LRFN2: variants seen among roughly 807,000 people sequenced by gnomAD.
LRFN2 encodes leucine rich repeat and fibronectin type III domain containing 2, also known as leucine-rich repeat and fibronectin type-III domain-containing protein 2.
In LRFN2, 18 loss-of-function variants were observed where a neutral mutation model predicts 37.3. The ratio of observed to expected loss-of-function variants is 0.48; its 90% CI spans 0.33 to 0.72. The LOEUF is 0.72. Ranked by LOEUF, LRFN2 falls within the 30% of genes least tolerant of loss-of-function variation. The pLI, the probability that LRFN2 is intolerant of heterozygous loss-of-function variation, is 0.02. For synonymous variants in LRFN2, 556 were observed against 466.6 expected (o/e 1.19, Z -2.47); for missense variants, 1,006 against 1,060.7 (o/e 0.95, Z 0.72).
intron 1 of LRFN2, among the ~76,000 whole-genome samples, chr6:40,437,918 G>A (rs1763729559): frequency 6.6e-6 from 1 of 152,186 alleles, no homozygotes; most frequent in Admixed American, 6.5e-5. Flanking sequence ...ATAGCCACAT[G>A]GCAATTAGGG....
At chr6:40,493,559 G>A (rs1338389411) in intron 1 of LRFN2, among the ~76,000 whole-genome samples, 1 of 152,118 alleles carries the variant, frequency 6.6e-6, no homozygotes, top group African/African-American at 2.4e-5. Context: ...ACACTACAAT[G>A]GATGAGGCCA....
chr6:40,508,588 C>T (rs1765607029), intron 1 of LRFN2, among the ~76,000 whole-genome samples: 1 of 152,206 alleles, frequency 6.6e-6, no homozygotes, highest in African/African-American at 2.4e-5. Context: ...TAGTGGGTCA[C>T]CTCGAGCAAG....
At chr6:40,499,489 A>G (rs1765320247) in intron 1 of LRFN2, among the ~76,000 whole-genome samples, 1 of 152,202 alleles carries the variant, frequency 6.6e-6, no homozygotes, top group South Asian at 2.1e-4. Flanking sequence ...TTTCTGCAAC[A>G]CAGTTTCAGG....
At chr6:40,565,026 G>A (rs1456437543) in intron 1 of LRFN2, among the ~76,000 whole-genome samples, 1 of 152,180 alleles carries the variant, frequency 6.6e-6, no homozygotes, top group African/African-American at 2.4e-5. Context: ...CAGTTCAACT[G>A]AAAGCCTCAA....
intron 1 of LRFN2, among the ~76,000 whole-genome samples, chr6:40,523,340 G>A (rs1323290211): frequency 6.6e-6 from 1 of 152,008 alleles, no homozygotes; most frequent in Non-Finnish European, 1.5e-5. Context: ...CAGCAAGAGT[G>A]GGTTTCACGC....
At chr6:40,517,706 G>T (rs185476508) in intron 1 of LRFN2, among the ~76,000 whole-genome samples, 1 of 152,292 alleles carries the variant, frequency 6.6e-6, no homozygotes, top group East Asian at 1.9e-4. Context: ...TCTGTGCAAA[G>T]CCTAATTAGG....
chr6:40,405,692 G>T (rs886334870), intron 2 of LRFN2, among the ~76,000 whole-genome samples: 2 of 152,164 alleles, frequency 1.3e-5, no homozygotes, highest in Non-Finnish European at 2.9e-5. Flanking sequence ...AGGCATCTTG[G>T]CTTCAATACT....
At chr6:40,468,583 G>A (rs113343236) in intron 1 of LRFN2, among the ~76,000 whole-genome samples, 2,363 of 152,006 alleles carry the variant, frequency 0.016, 77 homozygotes, top group African/African-American at 0.053. Context: ...TATGTGAAGC[G>A]CAAAGAGTAG....
intron 1 of LRFN2, among the ~76,000 whole-genome samples, chr6:40,553,431 G>T (rs1356708603): frequency 1.3e-5 from 2 of 152,210 alleles, no homozygotes; most frequent in African/African-American, 4.8e-5. Flanking sequence ...CTCTCTAAGT[G>T]AAGGAAGCAT....
chr6:40,539,669 T>C (rs1308429205), intron 1 of LRFN2, among the ~76,000 whole-genome samples: 3 of 152,184 alleles, frequency 2.0e-5, no homozygotes, highest in African/African-American at 7.2e-5. Context: ...CTCATTTCAT[T>C]CACACAGGAT....
intron 2 of LRFN2, among the ~76,000 whole-genome samples, chr6:40,418,149 C>T (rs1763138836): frequency 6.6e-6 from 1 of 152,208 alleles, no homozygotes. Flanking sequence ...ACTCTTCCTC[C>T]AGAGGCACTG....
chr6:40,550,011 G>C (rs1355990463), intron 1 of LRFN2, among the ~76,000 whole-genome samples: 1 of 152,080 alleles, frequency 6.6e-6, no homozygotes, highest in African/African-American at 2.4e-5. Context: ...TCCAGCCTGG[G>C]CAAGAGAGAA....
At position 40,469,387 on chromosome 6, in the gene LRFN2, C is replaced by T. The variant is rs967486547; in HGVS notation, c.-18-36256G>A. 5.7e-3 allele frequency among the ~76,000 whole-genome samples: 860 copies of T among 152,094 alleles called. 7 individuals are homozygous for T. Among genetic ancestry groups the T allele is most frequent in the Middle Eastern group, 0.027 (8 of 294 alleles). Reference sequence around the variant, plus strand: ...CATTTGTTGCAGATGTCCCAGAAAGCGATCCAACCATCATCTTTGGACAGG... The same window carrying T: ...CATTTGTTGCAGATGTCCCAGAAAGTGATCCAACCATCATCTTTGGACAGG... On this transcript the variant is annotated intron_variant, in intron 1 of 2. Transcript: ENST00000338305.
chr6:40,476,145 A>G (rs1764705031), intron 1 of LRFN2, among the ~76,000 whole-genome samples: 1 of 152,168 alleles, frequency 6.6e-6, no homozygotes, highest in Non-Finnish European at 1.5e-5. Flanking sequence ...CCTGTACCTT[A>G]GTCAGACTGG....
chr6:40,415,515 G>T (rs981314930), intron 2 of LRFN2, among the ~76,000 whole-genome samples: 6 of 152,180 alleles, frequency 3.9e-5, no homozygotes, highest in African/African-American at 1.2e-4. Flanking sequence ...CATGAGCCAC[G>T]CACCCGGCCT....
intron 2 of LRFN2, among the ~76,000 whole-genome samples, chr6:40,395,461 G>A (rs74474126): frequency 0.01 from 1,584 of 152,314 alleles, 33 homozygotes; most frequent in African/African-American, 0.036. Flanking sequence ...TCTACTGACA[G>A]GATGCCAGCC....
At position 40,391,828 on chromosome 6, in the gene LRFN2, A is replaced by G; in HGVS notation, c.*115T>C. ...GGGACACGAGGCCATTGACAGGGAG[A>G]CGAAACTGTCCCTGGATGTAAACAT... On this transcript the variant is annotated 3_prime_UTR_variant, in exon 3 of 3. Transcript: ENST00000338305. 1 of 1,135,356 alleles carries G rather than the reference A, an allele frequency of 8.8e-7. No individual in the cohort carries two copies. The highest frequency in any genetic ancestry group is 1.2e-6 in the Non-Finnish European group (1 of 833,378). 70.3% of individuals were successfully genotyped at this position (1,135,356 alleles called of 1,614,324 possible).
intron 1 of LRFN2, among the ~76,000 whole-genome samples, chr6:40,507,538 A>C (rs1342576366): frequency 1.3e-5 from 2 of 152,080 alleles, no homozygotes; most frequent in Non-Finnish European, 2.9e-5. Flanking sequence ...GGCTCTGAAG[A>C]CCCTGCTCTT....
intron 1 of LRFN2, among the ~76,000 whole-genome samples, chr6:40,496,982 C>A (rs2113873490): frequency 6.6e-6 from 1 of 152,274 alleles, no homozygotes; most frequent in East Asian, 1.9e-4. Context: ...TCATACCCAA[C>A]ACACCTCCTG....
Sources: gnomAD v4.1 joint callset for allele counts (sites outside exome capture counted in the v4.1 genomes callset) on GRCh38, gnomAD v4.1.1 for gene constraint, MANE v1.5 for transcripts, NCBI Gene and HGNC (gene_info 2026-07-23, HGNC 2026-07-21) for gene names.